The following SORCS3 variants were observed in gnomAD, a reference collection of about 807,000 sequenced individuals.
The protein encoded by SORCS3 is sortilin related VPS10 domain containing receptor 3.
SORCS3 carries 57 observed loss-of-function variants against 146.3 expected under a neutral mutation model. The ratio of observed to expected loss-of-function variants is 0.39; its 90% confidence interval spans 0.31 to 0.49. The LOEUF is 0.49. Ranked by LOEUF, SORCS3 falls within the 20% of genes least tolerant of loss-of-function variation. The pLI is 0.92. For synonymous variants in SORCS3, 653 were observed against 618.5 expected (o/e 1.06, Z -0.83); for missense variants, 1,341 against 1,575.5 (o/e 0.85, Z 2.52).
intron 20 of SORCS3, among the ~76,000 whole-genome samples, chr10:105,233,780 G>C (rs1343161138): frequency 6.6e-6 from 1 of 152,196 alleles, no homozygotes; most frequent in Middle Eastern, 3.2e-3. Flanking sequence ...TGGTGTATAT[G>C]TGCCACATCT....
chr10:104,742,901 C>G (rs191860696), intron 1 of SORCS3, among the ~76,000 whole-genome samples: 199 of 152,214 alleles, frequency 1.3e-3, no homozygotes, highest in Non-Finnish European at 2.1e-3. Flanking sequence ...ACCAGGAGCA[C>G]TTATTATTAT....
At chr10:105,212,961 A>C (rs191659476) in intron 17 of SORCS3, among the ~76,000 whole-genome samples, 54 of 152,346 alleles carry the variant, frequency 3.5e-4, no homozygotes, top group African/African-American at 1.2e-3. Flanking sequence ...AGCCACATTA[A>C]AAATGTAAAA....
At chr10:104,835,294 G>A (rs1183261376) in intron 1 of SORCS3, among the ~76,000 whole-genome samples, 1 of 152,124 alleles carries the variant, frequency 6.6e-6, no homozygotes, top group Admixed American at 6.6e-5. Context: ...GTATGTTTTA[G>A]CAACTTTCTT....
chr10:104,804,264 A>G (rs964318803), intron 1 of SORCS3, among the ~76,000 whole-genome samples: 1 of 152,232 alleles, frequency 6.6e-6, no homozygotes, highest in Non-Finnish European at 1.5e-5. Context: ...CCAAGGCCAT[A>G]TGACCACTAA....
intron 5 of SORCS3, among the ~76,000 whole-genome samples, chr10:105,080,920 T>C (rs891822570): frequency 2.0e-5 from 3 of 152,206 alleles, no homozygotes; most frequent in Non-Finnish European, 4.4e-5. Context: ...AAGGACTCCC[T>C]GTTCAACAAA....
chr10:105,049,843 C>CTT (rs767148277), intron 5 of SORCS3, among the ~76,000 whole-genome samples: 7 of 152,148 alleles, frequency 4.6e-5, no homozygotes, highest in South Asian at 2.1e-4. Flanking sequence ...GGCTGAATAA[C>CTT]TACCTATTGG....
At chr10:104,777,379 G>A (rs551183283) in intron 1 of SORCS3, among the ~76,000 whole-genome samples, 6 of 152,308 alleles carry the variant, frequency 3.9e-5, no homozygotes, top group African/African-American at 1.4e-4. Context: ...ACCCCAACAT[G>A]CTTAATTCCC....
chr10:104,745,320 A>G (rs976523637), intron 1 of SORCS3, among the ~76,000 whole-genome samples: 4 of 152,256 alleles, frequency 2.6e-5, no homozygotes, highest in Admixed American at 2.0e-4. Context: ...AAAGATGAAC[A>G]GAGGGGATAG....
intron 7 of SORCS3, among the ~76,000 whole-genome samples, chr10:105,110,336 T>A (rs2055851268): frequency 6.6e-6 from 1 of 152,142 alleles, no homozygotes; most frequent in South Asian, 2.1e-4. Flanking sequence ...GCAGTGTGTT[T>A]GCAATTTTTA....
chr10:105,107,569 TG>T lies in SORCS3; in HGVS notation c.1212+2055del, dbSNP rs57295872. Among the ~76,000 whole-genome samples the T allele has an allele frequency of 4.5e-3, 686 of 152,290 alleles. 9 individuals carry two copies. Among genetic ancestry groups the T allele is most frequent in the African/African-American group, 0.016 (665 of 41,564 alleles). On this transcript the variant is annotated intron_variant, in intron 7 of 26. Transcript: ENST00000369701. ...TTATACTGGAAGCAGACGGAAGTTTTGTCTTTAATTAGCATCAATTTTTATT... is the reference window on the plus strand; with the variant it reads ...TTATACTGGAAGCAGACGGAAGTTTTTCTTTAATTAGCATCAATTTTTATT...
chr10:105,216,111 CT>C (rs2056663530), intron 18 of SORCS3, among the ~76,000 whole-genome samples: 1 of 152,050 alleles, frequency 6.6e-6, no homozygotes, highest in South Asian at 2.1e-4. Flanking sequence ...ACACAGAGAG[CT>C]CTTTCCAAGA....
intron 8 of SORCS3, among the ~76,000 whole-genome samples, chr10:105,141,593 C>T (rs1329758710): frequency 4.6e-5 from 7 of 152,178 alleles, no homozygotes; most frequent in Admixed American, 4.6e-4. Context: ...AGAATATGCT[C>T]TCCTGGGGTA....
chr10:105,040,584 T>A (rs1440791269), intron 4 of SORCS3, among the ~76,000 whole-genome samples: 1 of 152,126 alleles, frequency 6.6e-6, no homozygotes, highest in Non-Finnish European at 1.5e-5. Flanking sequence ...CCCTTTGACA[T>A]GGTGTGTCTG....
intron 20 of SORCS3, 112 bp downstream of exon 20, chr10:105,223,361 A>C (rs1377034308): frequency 1.8e-6 from 2 of 1,130,704 alleles, no homozygotes; most frequent in African/African-American, 3.1e-5. Context: ...AGAGGTACTT[A>C]ATAAACCTAT....
At chr10:104,823,055 A>G (rs2017893103) in intron 1 of SORCS3, among the ~76,000 whole-genome samples, 1 of 152,172 alleles carries the variant, frequency 6.6e-6, no homozygotes, top group African/African-American at 2.4e-5. Context: ...GTGACGAGAC[A>G]TGGGGGTGAG....
At chr10:104,744,384 A>T (rs1036493743) in intron 1 of SORCS3, among the ~76,000 whole-genome samples, 2 of 152,074 alleles carry the variant, frequency 1.3e-5, no homozygotes, top group African/African-American at 4.8e-5. Context: ...TGTAATAGTA[A>T]TTTTTCTATT....
At chr10:105,025,578 T>C (rs2055222836) in intron 4 of SORCS3, among the ~76,000 whole-genome samples, 1 of 152,184 alleles carries the variant, frequency 6.6e-6, no homozygotes, top group Non-Finnish European at 1.5e-5. Context: ...CTGGGATTTT[T>C]GAATCTCACT....
chr10:104,709,089 C>G (rs993534914), intron 1 of SORCS3, among the ~76,000 whole-genome samples: 2 of 152,354 alleles, frequency 1.3e-5, no homozygotes, highest in East Asian at 1.9e-4. Flanking sequence ...CTCTCACACT[C>G]ATTCTCCAGC....
intron 4 of SORCS3, among the ~76,000 whole-genome samples, chr10:104,980,445 A>C (rs1295993710): frequency 6.6e-6 from 1 of 152,212 alleles, no homozygotes; most frequent in Non-Finnish European, 1.5e-5. Flanking sequence ...AGTAGTTTAG[A>C]GTCAAGGAGA....
Sources: gnomAD v4.1 joint callset for allele counts (sites outside exome capture counted in the v4.1 genomes callset) on GRCh38, gnomAD v4.1.1 for gene constraint, MANE v1.5 for transcripts, NCBI Gene and HGNC (gene_info 2026-07-23, HGNC 2026-07-21) for gene names.